NOXA1: variants seen among roughly 807,000 people sequenced by gnomAD.
NOXA1 encodes the protein NCF2-like protein.
In NOXA1, 56 loss-of-function variants were observed where a neutral mutation model predicts 64.8. The observed-to-expected ratio is 0.86, with a 90% CI of 0.70 to 1.08. The LOEUF (loss-of-function observed/expected upper bound fraction) is 1.08. NOXA1 is among the 50% of genes least tolerant of loss of function. The pLI is 0.00. For synonymous variants in NOXA1, 295 were observed against 294.8 expected, an observed-to-expected ratio of 1.00 and a Z score of -0.01; for missense variants, 668 against 658.5, an observed-to-expected ratio of 1.01 and a Z score of -0.16.
chr9:137,425,206 G>A (rs1189305180), intron 1 of NOXA1, among the ~76,000 whole-genome samples: 1 of 152,146 alleles, frequency 6.6e-6, no homozygotes. Context: ...CACCCTTCCT[G>A]TCACACACAT....
At chr9:137,428,755 A>AG (rs1838953294) in intron 3 of NOXA1, 127 bp from the exon 4 acceptor site, 1 of 391,472 alleles carries the variant, frequency 2.6e-6, no homozygotes, top group South Asian at 4.3e-5. Flanking sequence ...GGGATGGGGG[A>AG]GGGGCCAGGT....
chr9:137,431,920 G>A lies in NOXA1; in HGVS notation c.804+579G>A, dbSNP rs1564240707. Among the ~76,000 whole-genome samples the A allele has an allele frequency of 6.6e-6, 1 of 152,134 alleles. No homozygotes were observed. Among genetic ancestry groups the A allele is most frequent in the Non-Finnish European group, 1.5e-5 (1 of 68,012 alleles). ...TCACGCTGAGCGCATCTGAGGATGC[G>A]ATCAGGAAGCAGCCCCGGCACTCTC... On this transcript the variant is annotated intron_variant, in intron 8 of 13. Coordinates refer to ENST00000683555, the MANE Select transcript of NOXA1 (RefSeq NM_001256067.2). The surrounding 1 kb of genome is among the most constrained non-coding windows in gnomAD (Gnocchi z 5.6).
intron 8 of NOXA1, among the ~76,000 whole-genome samples, chr9:137,432,456 T>C (rs1023699588): frequency 5.3e-5 from 8 of 152,160 alleles, no homozygotes; most frequent in South Asian, 2.1e-4. Flanking sequence ...GGCGGGCACC[T>C]GTAGTCCCAG....
chr9:137,426,396 C>A, intron 2 of NOXA1, 66 bp downstream of exon 2: 1 of 1,297,682 alleles, frequency 7.7e-7, no homozygotes, highest in Non-Finnish European at 1.1e-6. Context: ...TCCACTCCTG[C>A]ACCTCCTCCT....
chr9:137,433,891 G>GGGCA (rs1839238228), intron 12 of NOXA1, 27 bp downstream of exon 12: 2 of 1,475,138 alleles, frequency 1.4e-6, no homozygotes, highest in Admixed American at 2.4e-5. Flanking sequence ...GCAGGGGCAG[G>GGGCA]GGCACCCTGA....
intron 5 of NOXA1, among the ~76,000 whole-genome samples, chr9:137,429,981 G>A (rs1255686674): frequency 3.0e-5 from 4 of 132,546 alleles, no homozygotes; most frequent in African/African-American, 8.9e-5. Context: ...GTCCCAGGGG[G>A]GTGCCTGTGT....
rs777192346 is a variant in NOXA1 at position 137,433,947 on chromosome 9, C to T, written c.1180-18C>T. ...TCCCAGTGCCCGGCCCGACCTGCAGCCCACTCTCCTGCCTCAGGGAGCCGG... is the reference window on the plus strand; with the variant it reads ...TCCCAGTGCCCGGCCCGACCTGCAGTCCACTCTCCTGCCTCAGGGAGCCGG... On this transcript the variant is annotated intron_variant, in intron 12 of 13. Coordinates refer to ENST00000683555, the MANE Select transcript of NOXA1 (RefSeq NM_001256067.2). 1.4e-5 allele frequency: 22 copies of T among 1,536,434 alleles called. No homozygotes were observed. In the South Asian group the frequency reaches 2.5e-4, roughly 18 times the overall value.
rs774940996 is a variant in NOXA1, at chr9:137,433,436, C to G, written c.910-17C>G. ...TGGGCCTCAGCGACCACCCCTCCCC[C>G]TCCTGCCTGGACCCAGGGAGCAGGT... On this transcript the variant is annotated splice_polypyrimidine_tract_variant and intron_variant, in intron 10 of 13. Transcript: ENST00000683555. 4 of 1,588,586 alleles carry G rather than the reference C, an allele frequency of 2.5e-6. No individual in the cohort carries two copies. The highest frequency in any genetic ancestry group is 4.5e-5 in the East Asian group (2 of 44,354).
At position 137,423,552 on chromosome 9, in the gene NOXA1, TGCGCGCCTGGCACCTGG is replaced by T; in HGVS notation, c.30_46del (p.Trp11GlyfsTer46). 1.4e-6 allele frequency: 2 copies of T among 1,445,180 alleles called. No homozygotes were observed. Among genetic ancestry groups the T allele is most frequent in the Non-Finnish European group, 1.8e-6 (2 of 1,096,636 alleles). The allele number at this position is 1,445,180 out of a possible 1,614,324, so 89.5% of individuals were successfully genotyped here. A position where few individuals can be genotyped will look rare whatever the true frequency, so the allele number is the denominator to read the frequency against. On this transcript the variant is annotated frameshift_variant, in exon 1 of 14. Coordinates refer to ENST00000683555, the MANE Select transcript of NOXA1 (RefSeq NM_001256067.2). LOFTEE classifies it high-confidence loss of function. ...GCCATGGCCTCTCTGGGGGACCTGG[TGCGCGCCTGGCACCTGG>T]GCGCGCAGGCTGTGGATCGTGGGGA... is the stretch of plus-strand genomic sequence containing the variant.
intron 8 of NOXA1, among the ~76,000 whole-genome samples, chr9:137,432,386 C>T (rs1352513995): frequency 3.3e-5 from 5 of 152,052 alleles, no homozygotes; most frequent in African/African-American, 7.2e-5. Flanking sequence ...GAGACCATCC[C>T]GGCTAACATG....
Position 137,429,299 on chromosome 9 carries a change from G to T in NOXA1, c.528G>T (p.Arg176=). The change falls in exon 5 of 14, where the codon CGG becomes CGT. Residue 176 remains arginine (R), a synonymous_variant. Coordinates refer to ENST00000683555, the MANE Select transcript of NOXA1 (RefSeq NM_001256067.2). ...AGAGACGGGGCTCACTGCCGCCACG[G>T]CAGGTCCCCAGGGGCGAGGTCTTCC... ...QVQRRGSLPP[R]QVPRGEVFRP... is the part of the protein sequence containing the mutation. 6.4e-7 allele frequency: 1 copy of T among 1,571,556 alleles called. No homozygotes were observed. The highest frequency in any genetic ancestry group is 8.6e-7 in the Non-Finnish European group (1 of 1,159,050).
In NOXA1 at chr9:137,426,265, G is replaced by T. The variant is rs752502008; in HGVS notation, c.195G>T (p.Val65=). 6.2e-7 allele frequency: 1 copy of T among 1,613,774 alleles called. No individual in the cohort carries two copies. Among genetic ancestry groups the T allele is most frequent in the South Asian group, 1.1e-5 (1 of 91,058 alleles). ...GTCCCCAGGCATTTGACCAAGCCGT[G>T]ACCAAGGACACCTGCATGGCGGTTG... ...EAALRAFDQA[V]TKDTCMAVGF... Residue 65 remains valine (V), a synonymous_variant, in exon 2 of 14, where the codon GTG becomes GTT. Transcript: ENST00000683555.
In NOXA1 at chr9:137,433,348, C is replaced by T. The variant is rs1173251050; in HGVS notation, c.909+85C>T. 8.1e-6 allele frequency: 12 copies of T among 1,483,748 alleles called. No individual in the cohort carries two copies. In the East Asian group the frequency reaches 1.9e-4, roughly 24 times the overall value. The allele number at this position is 1,483,748 out of a possible 1,614,324, so 91.9% of individuals were successfully genotyped here. A position where few individuals can be genotyped will look rare whatever the true frequency, so the allele number is the denominator to read the frequency against. On this transcript the variant is annotated intron_variant, in intron 10 of 13. Coordinates refer to ENST00000683555, the MANE Select transcript of NOXA1 (RefSeq NM_001256067.2). The stretch of plus-strand genomic sequence containing the variant: ...ATCCCTCAGAATCAAGGCTTGCAAG[C>T]CCCCCTCACCTGCCCAGTCTCTGTC...
At position 137,431,332 on chromosome 9, in the gene NOXA1, C is replaced by T. The variant is rs1483421854; in HGVS notation, c.795C>T (p.Tyr265=). The change falls in exon 8 of 14, where the codon TAC becomes TAT. Residue 265 remains tyrosine, a synonymous_variant. Transcript: ENST00000683555. The surrounding 1 kb of genome is among the most constrained non-coding windows in gnomAD (Gnocchi z 5.6). ...CTGACCGCTGCACGTCGACTGCCTA[C>T]CAGGAGCAGGTGCGTGGGCCTGGGC... ...VGADRCTSTA[Y]QEQRPQVEQV... is the part of the protein sequence containing the mutation. 1.2e-6 allele frequency: 2 copies of T among 1,608,724 alleles called. No individual in the cohort carries two copies. The highest frequency in any genetic ancestry group is 1.3e-5 in the African/African-American group (1 of 74,936).
chr9:137,426,822 A>C (rs1838863950), intron 2 of NOXA1, among the ~76,000 whole-genome samples: 1 of 152,266 alleles, frequency 6.6e-6, no homozygotes, highest in Non-Finnish European at 1.5e-5. Context: ...TTTGAGAAGG[A>C]GCCTTGCTCT....
chr9:137,427,984 C>G, intron 2 of NOXA1, 49 bp from the exon 3 acceptor site: 1 of 1,327,862 alleles, frequency 7.5e-7, no homozygotes, highest in Non-Finnish European at 1.1e-6. Context: ...TGCCTAACCA[C>G]AGCCCCATCT....
At position 137,432,916 on chromosome 9, in the gene NOXA1, G is replaced by A. The variant is rs561773264; in HGVS notation, c.805-113G>A. ...TGAATTCAACACCCACAGACCACCT[G>A]CTGGGTGCTGGCCGGGCACACAGGC... On this transcript the variant is annotated intron_variant, in intron 8 of 13. Coordinates refer to ENST00000683555, the MANE Select transcript of NOXA1 (RefSeq NM_001256067.2). The A allele has an allele frequency of 3.1e-5, 36 of 1,177,360 alleles. No individual in the cohort carries two copies. In the African/African-American group the frequency reaches 3.7e-4, roughly 12 times the overall value. 72.9% of individuals were successfully genotyped at this position (1,177,360 alleles called of 1,614,324 possible).
Position 137,431,565 on chromosome 9 carries a change from T to G in NOXA1, c.804+224T>G, listed in dbSNP as rs1314071976. On this transcript the variant is annotated intron_variant, in intron 8 of 13. Coordinates refer to ENST00000683555, the MANE Select transcript of NOXA1 (RefSeq NM_001256067.2). The surrounding 1 kb of genome is among the most constrained non-coding windows in gnomAD (Gnocchi z 5.6). ...GGCCATCAGGACAGGAGAGAGGTGG[T>G]GTCCAGTGGAGACATCCACGTAGCC... Among the ~76,000 whole-genome samples, 2 of 152,152 alleles carry G rather than the reference T, an allele frequency of 1.3e-5. No homozygotes were observed. Among genetic ancestry groups the G allele is most frequent in the African/African-American group, 2.4e-5 (1 of 41,440 alleles).
rs1346334458 is a variant in NOXA1, at chr9:137,423,461, G to A, written c.-69G>A. Reference sequence around the variant, plus strand: ...CTCGGAGACCCCGCAGCCCCGCGCCGCCGCCTGGCCCCGGCCCCGGCCCCT... The same window carrying A: ...CTCGGAGACCCCGCAGCCCCGCGCCACCGCCTGGCCCCGGCCCCGGCCCCT... On this transcript the variant is annotated 5_prime_UTR_variant, in exon 1 of 14. Transcript: ENST00000683555. 17 of 1,087,270 alleles carry A rather than the reference G, an allele frequency of 1.6e-5. No individual in the cohort carries two copies. Among genetic ancestry groups the A allele is most frequent in the Non-Finnish European group, 1.8e-5 (16 of 868,440 alleles). 67.4% of individuals were successfully genotyped at this position (1,087,270 alleles called of 1,614,324 possible).
Sources: allele counts gnomAD v4.1 joint callset (sites outside exome capture counted in the v4.1 genomes callset), GRCh38; gene constraint gnomAD v4.1.1; non-coding constraint Gnocchi (gnomAD v3.1); transcripts MANE v1.5; gene names NCBI Gene and HGNC (gene_info 2026-07-23, HGNC 2026-07-21).